Variants in SH3KBP1 observed in about 807,000 individuals in gnomAD.
SH3KBP1 encodes SH3 domain containing kinase binding protein 1.
In SH3KBP1, 8 loss-of-function variants were observed where a neutral mutation model predicts 50.1. The ratio of observed to expected loss-of-function variants is 0.16; its 90% confidence interval spans 0.09 to 0.29. SH3KBP1 has a LOEUF of 0.29. SH3KBP1 is among the 10% of genes least tolerant of loss of function. The pLI, the probability that SH3KBP1 is intolerant of heterozygous loss-of-function variation, is 1.00. For missense variants in SH3KBP1, 377 were observed against 535.2 expected (o/e 0.70, Z 2.92); for synonymous variants, 227 against 218.6 (o/e 1.04, Z -0.34).
At chrX:19,807,316 A>C (rs2067077288) in intron 2 of SH3KBP1, among the ~76,000 whole-genome samples, 1 of 112,153 alleles carries the variant, frequency 8.9e-6, no homozygotes, top group South Asian at 3.6e-4. Context: ...CATGACAGCA[A>C]CACAATTGTA....
At chrX:19,572,370 T>TAC (rs1244219683) in intron 12 of SH3KBP1, among the ~76,000 whole-genome samples, 1 of 99,369 alleles carries the variant, frequency 1.0e-5, no homozygotes, top group Non-Finnish European at 1.9e-5. Flanking sequence ...ATATAGTACA[T>TAC]ATATGTTATA....
chrX:19,655,405 T>C (rs2062247921), intron 6 of SH3KBP1, among the ~76,000 whole-genome samples: 1 of 111,501 alleles, frequency 9.0e-6, no homozygotes, highest in Admixed American at 9.5e-5. Flanking sequence ...AGCAAAGTCA[T>C]GGAATCAACC....
intron 2 of SH3KBP1, among the ~76,000 whole-genome samples, chrX:19,765,204 G>A (rs2065565607): frequency 9.1e-6 from 1 of 109,960 alleles, no homozygotes; most frequent in Non-Finnish European, 1.9e-5. Context: ...TCTCTGAACT[G>A]AATAGTCCTT....
At chrX:19,649,466 T>C (rs1274400926) in intron 6 of SH3KBP1, among the ~76,000 whole-genome samples, 1 of 111,573 alleles carries the variant, frequency 9.0e-6, no homozygotes, top group East Asian at 2.8e-4. Flanking sequence ...GATAGAGCTG[T>C]ATCTGTATCA....
chrX:19,548,825 A>G (rs201171278), intron 14 of SH3KBP1, among the ~76,000 whole-genome samples: 1 of 102,428 alleles, frequency 9.8e-6, no homozygotes, highest in African/African-American at 3.6e-5. Context: ...TATGGAAATA[A>G]AGAGAGAGAG....
At chrX:19,819,643 C>G (rs1298638081) in intron 2 of SH3KBP1, among the ~76,000 whole-genome samples, 5 of 111,788 alleles carry the variant, frequency 4.5e-5, no homozygotes, top group African/African-American at 1.3e-4. Flanking sequence ...AGCCACTGTA[C>G]CCAGCCTATT....
At chrX:19,772,618 C>G (rs781477938) in intron 2 of SH3KBP1, among the ~76,000 whole-genome samples, 43 of 111,285 alleles carry the variant, frequency 3.9e-4, no homozygotes, top group Non-Finnish European at 6.2e-4. Flanking sequence ...AAAAATCATT[C>G]CCAGGGAGAA....
intron 3 of SH3KBP1, 137 bp downstream of exon 3, chrX:19,746,181 T>C (rs2064912856): frequency 4.7e-6 from 3 of 644,939 alleles, no homozygotes; most frequent in African/African-American, 2.2e-5. Context: ...TGTATGTGTG[T>C]ATCCAAAATA....
At chrX:19,616,426 G>A (rs2067615825) in intron 8 of SH3KBP1, among the ~76,000 whole-genome samples, 1 of 111,600 alleles carries the variant, frequency 9.0e-6, no homozygotes, top group African/African-American at 3.3e-5. Context: ...AAACTGGGTG[G>A]ATAACACACA....
Position 19,768,231 on chromosome X carries a change from C to T in SH3KBP1, c.163-21790G>A, listed in dbSNP as rs2065680761. ...TTTAAGCCAGTCAGCTATTACCACCCTGGCTCAGCAATAAGACAGCACCTC... is the reference window on the plus strand; with the variant it reads ...TTTAAGCCAGTCAGCTATTACCACCTTGGCTCAGCAATAAGACAGCACCTC... On this transcript the variant is annotated intron_variant, in intron 2 of 17. Coordinates refer to ENST00000397821, the MANE Select transcript of SH3KBP1 (RefSeq NM_031892.3). Among the ~76,000 whole-genome samples the T allele has an allele frequency of 4.6e-5, 5 of 108,404 alleles. 1 individual carries two copies. In the Admixed American group the frequency reaches 5.0e-4, roughly 11 times the overall value. The allele number at this position is 108,404 out of a possible 115,157, so 94.1% of individuals were successfully genotyped here.
In SH3KBP1 at chrX:19,854,973, GCTTTTT is replaced by G. The variant is rs781702304; in HGVS notation, c.5-18697_5-18692del. On this transcript the variant is annotated intron_variant, in intron 1 of 17. Coordinates refer to ENST00000397821, the MANE Select transcript of SH3KBP1 (RefSeq NM_031892.3). ...ATTATCCCAGACAAGGAGTTGGTAA[GCTTTTT>G]CTTTTTCTTTTTTTCAGATGAAATG... 4.5e-5 allele frequency among the ~76,000 whole-genome samples: 5 copies of G among 111,695 alleles called. No individual in the cohort carries two copies. In the South Asian group the frequency reaches 1.1e-3, roughly 25 times the overall value.
intron 6 of SH3KBP1, among the ~76,000 whole-genome samples, chrX:19,650,141 C>A (rs1433924617): frequency 1.8e-5 from 2 of 111,637 alleles, no homozygotes; most frequent in Non-Finnish European, 3.8e-5. Flanking sequence ...GATAAAGCTC[C>A]CCTGTCCAGA....
At chrX:19,572,366 T>C (rs1299768591) in intron 12 of SH3KBP1, among the ~76,000 whole-genome samples, 6 of 99,636 alleles carry the variant, frequency 6.0e-5, no homozygotes, top group African/African-American at 1.7e-4. Flanking sequence ...GTATATATAG[T>C]ACATATATGT....
At chrX:19,771,882 A>AT (rs57055533) in intron 2 of SH3KBP1, among the ~76,000 whole-genome samples, 3 of 108,316 alleles carry the variant, frequency 2.8e-5, no homozygotes, top group African/African-American at 1.0e-4. Context: ...AAAAAAAAAA[A>AT]TTGGTTACAA....
rs1288404441 is a variant in SH3KBP1 at position 19,854,398 on chromosome X, G to GAGCC, written c.5-18120_5-18117dup. ...CCCAAAGTGCTGGGATTACTGGTGT[G>GAGCC]AGCCACCACGCCCAGCCGGCAGCTA... On this transcript the variant is annotated intron_variant, in intron 1 of 17. Transcript: ENST00000397821. Among the ~76,000 whole-genome samples, 3 of 111,470 alleles carry GAGCC rather than the reference G, an allele frequency of 2.7e-5. No homozygotes were observed. The Admixed American group carries it at 2.9e-4, about 11-fold the overall frequency.
chrX:19,594,230 C>T (rs1257012231), intron 10 of SH3KBP1, among the ~76,000 whole-genome samples: 11 of 111,510 alleles, frequency 9.9e-5, no homozygotes, highest in Non-Finnish European at 1.9e-4. Context: ...AGGAATTTTT[C>T]CCTATAATTA....
chrX:19,670,084 G>A (rs763207547), intron 6 of SH3KBP1, among the ~76,000 whole-genome samples: 3 of 110,267 alleles, frequency 2.7e-5, no homozygotes, highest in African/African-American at 9.9e-5. Context: ...TTTTGTGTTT[G>A]GAAAATGACA....
intron 2 of SH3KBP1, among the ~76,000 whole-genome samples, chrX:19,823,749 C>T (rs1040488705): frequency 5.3e-5 from 6 of 112,599 alleles, no homozygotes; most frequent in Non-Finnish European, 1.1e-4. Context: ...GCCTATCTCA[C>T]TACCACCAGG....
chrX:19,550,846 A>G (rs914385806), intron 13 of SH3KBP1, among the ~76,000 whole-genome samples: 2 of 110,692 alleles, frequency 1.8e-5, no homozygotes, highest in Admixed American at 9.7e-5. Flanking sequence ...CCCTGGGATG[A>G]TCTAGTGCCC....
Sources: allele counts gnomAD v4.1 joint callset (sites outside exome capture counted in the v4.1 genomes callset), GRCh38; gene constraint gnomAD v4.1.1; transcripts MANE v1.5; gene names NCBI Gene and HGNC (gene_info 2026-07-23, HGNC 2026-07-21).